The following MPP7 variants were observed in gnomAD, a reference collection of about 807,000 sequenced individuals.
MPP7 encodes the protein MAGUK p55 subfamily member 7.
MPP7 carries 60 observed loss-of-function variants against 76.5 expected under a neutral mutation model. The observed-to-expected ratio is 0.78, with a 90% CI of 0.64 to 0.97. MPP7 has a LOEUF of 0.97. Ranked by LOEUF, MPP7 falls within the 50% of genes least tolerant of loss-of-function variation. The pLI is 0.00. For synonymous variants in MPP7, 237 were observed against 244.5 expected (o/e 0.97, Z 0.29); for missense variants, 641 against 694.0 (o/e 0.92, Z 0.86).
At chr10:28,240,879 A>C (rs1428861494) in intron 1 of MPP7, among the ~76,000 whole-genome samples, 1 of 152,150 alleles carries the variant, frequency 6.6e-6, no homozygotes, top group Non-Finnish European at 1.5e-5. Context: ...TAAAATTTCT[A>C]AAATGTCTGC....
chr10:28,265,332 G>A (rs1840114779), intron 1 of MPP7, among the ~76,000 whole-genome samples: 1 of 152,192 alleles, frequency 6.6e-6, no homozygotes, highest in Non-Finnish European at 1.5e-5. Context: ...GCCAAGGCGG[G>A]GGGACTGCTT....
At chr10:28,313,874 TTA>T (rs202246098) in intron 2 of MPP7, among the ~76,000 whole-genome samples, 10,455 of 45,312 alleles carry the variant, frequency 0.23, 1,186 homozygotes, top group Non-Finnish European at 0.27. Context: ...TTTATTTTTT[TTA>T]TTTTTTTTTG....
At chr10:28,170,196 T>G (rs1268530357) in intron 3 of MPP7, among the ~76,000 whole-genome samples, 1 of 152,136 alleles carries the variant, frequency 6.6e-6, no homozygotes, top group Admixed American at 6.6e-5. Context: ...TTTCTATTTA[T>G]GTATATGTTC....
chr10:28,231,374 G>A (rs576663297), intron 2 of MPP7, among the ~76,000 whole-genome samples: 2 of 151,388 alleles, frequency 1.3e-5, no homozygotes, highest in South Asian at 2.1e-4. Flanking sequence ...TATAAACAAA[G>A]TATTTCTAGA....
At chr10:28,187,553 T>C (rs1028555167) in intron 3 of MPP7, among the ~76,000 whole-genome samples, 52 of 152,150 alleles carry the variant, frequency 3.4e-4, no homozygotes, top group African/African-American at 1.2e-3. Context: ...CCAAAGCAAA[T>C]GATATGTCAG....
intron 1 of MPP7, among the ~76,000 whole-genome samples, chr10:28,275,991 A>C (rs972804008): frequency 6.6e-6 from 1 of 151,396 alleles, no homozygotes; most frequent in African/African-American, 2.4e-5. Context: ...ATAAAGATGA[A>C]TACTCACCCA....
rs761219807 is a variant in MPP7 at position 28,147,464 on chromosome 10, C to T, written c.315+19G>A. 1.9e-5 allele frequency: 31 copies of T among 1,601,120 alleles called. No individual in the cohort carries two copies. Among genetic ancestry groups the T allele is most frequent in the Admixed American group, 1.5e-4 (9 of 59,966 alleles). On this transcript the variant is annotated intron_variant, in intron 5 of 16. Transcript: ENST00000683449. ...GGCCCTGTTTGAAGGTATTTATTAC[C>T]GGCGTAACATGTCCTCACCTTCACA...
intron 3 of MPP7, 59 bp downstream of exon 3, chr10:28,202,094 G>T: frequency 8.5e-7 from 1 of 1,173,700 alleles, no homozygotes; most frequent in Non-Finnish European, 1.3e-6. Flanking sequence ...ACTTGGTGGT[G>T]CCCCAAATAT....
At chr10:28,216,693 A>C (rs1838320640) in intron 2 of MPP7, among the ~76,000 whole-genome samples, 4 of 152,218 alleles carry the variant, frequency 2.6e-5, no homozygotes. Context: ...TATGGCATAC[A>C]GATGTGGGCT....
chr10:28,102,787 T>C (rs1374026855), intron 11 of MPP7, among the ~76,000 whole-genome samples: 2 of 152,180 alleles, frequency 1.3e-5, no homozygotes, highest in Non-Finnish European at 2.9e-5. Context: ...CCTCCACAGA[T>C]AATATCTGCT....
chr10:28,162,234 T>G (rs955251539), intron 3 of MPP7, among the ~76,000 whole-genome samples: 8 of 152,156 alleles, frequency 5.3e-5, no homozygotes, highest in African/African-American at 1.9e-4. Context: ...TGGGAAGAAT[T>G]ACCTTGAAAA....
intron 3 of MPP7, among the ~76,000 whole-genome samples, chr10:28,193,056 T>G (rs1397764099): frequency 6.6e-6 from 1 of 152,226 alleles, no homozygotes; most frequent in Non-Finnish European, 1.5e-5. Context: ...TGGATATTCA[T>G]ATGCAGACAT....
intron 1 of MPP7, among the ~76,000 whole-genome samples, chr10:28,269,264 T>C (rs1225495605): frequency 6.6e-6 from 1 of 152,196 alleles, no homozygotes; most frequent in Non-Finnish European, 1.5e-5. Context: ...AATTAGCTCA[T>C]TCAATGCCAT....
intron 5 of MPP7, among the ~76,000 whole-genome samples, chr10:28,137,881 T>C (rs1381549958): frequency 6.6e-6 from 1 of 152,190 alleles, no homozygotes; most frequent in Non-Finnish European, 1.5e-5. Context: ...CTCACTGCAC[T>C]GGAACCCCTG....
intron 1 of MPP7, among the ~76,000 whole-genome samples, chr10:28,267,601 CA>C (rs1840187248): frequency 6.6e-6 from 1 of 152,230 alleles, no homozygotes; most frequent in Admixed American, 6.5e-5. Context: ...GATGCTTGAG[CA>C]ACTGGTATAA....
intron 11 of MPP7, among the ~76,000 whole-genome samples, chr10:28,092,296 T>C (rs4749302): frequency 0.38 from 58,313 of 151,818 alleles, 13,738 homozygotes; most frequent in East Asian, 0.95. Flanking sequence ...GGAAGACAGT[T>C]GTTCTAAAGC....
chr10:28,310,232 C>A (rs903286850), intron 2 of MPP7, among the ~76,000 whole-genome samples: 13 of 152,072 alleles, frequency 8.5e-5, no homozygotes, highest in Non-Finnish European at 1.6e-4. Flanking sequence ...GAACTCCTGG[C>A]CTCAGGTGAG....
chr10:28,297,436 C>T (rs149013989), intron 1 of MPP7, among the ~76,000 whole-genome samples: 1,546 of 152,258 alleles, frequency 0.01, 16 homozygotes, highest in Non-Finnish European at 0.014. Context: ...CTGTGGCTCA[C>T]GCCTGTAATC....
intron 1 of MPP7, among the ~76,000 whole-genome samples, chr10:28,258,552 A>C (rs1839860047): frequency 6.6e-6 from 1 of 151,242 alleles, no homozygotes; most frequent in South Asian, 2.1e-4. Flanking sequence ...GGCATGCCCC[A>C]CCACACCTGG....
Sources: gnomAD v4.1 joint callset for allele counts (sites outside exome capture counted in the v4.1 genomes callset) on GRCh38, gnomAD v4.1.1 for gene constraint, MANE v1.5 for transcripts, NCBI Gene and HGNC (gene_info 2026-07-23, HGNC 2026-07-21) for gene names.